The following RBMS3 variants were observed in gnomAD, a reference collection of about 807,000 sequenced individuals.
RBMS3 encodes RNA-binding motif, single-stranded-interacting protein 3.
A neutral mutation model predicts 66.8 loss-of-function variants in RBMS3; 27 were observed. That is an observed-to-expected ratio of 0.40 (90% confidence interval 0.30 to 0.56). The LOEUF is 0.56. RBMS3 is among the 20% of genes least tolerant of loss of function. The pLI is 0.40. For synonymous variants in RBMS3, 188 were observed against 183.0 expected (o/e 1.03, Z -0.22); for missense variants, 513 against 549.5 (o/e 0.93, Z 0.66).
intron 3 of RBMS3, among the ~76,000 whole-genome samples, chr3:29,528,603 A>C (rs532446076): frequency 6.6e-6 from 1 of 152,188 alleles, no homozygotes; most frequent in Non-Finnish European, 1.5e-5. Flanking sequence ...TATACTTGTA[A>C]TTTCTACAGC....
At chr3:29,778,532 G>T (rs1038650670) in intron 6 of RBMS3, among the ~76,000 whole-genome samples, 27 of 151,710 alleles carry the variant, frequency 1.8e-4, no homozygotes, top group Admixed American at 6.6e-5. Flanking sequence ...CACCCTTAGG[G>T]AAAAAGAAAC....
rs148855888 is a variant in RBMS3 at position 29,830,242 on chromosome 3, T to G, written c.638-38616T>G. ...GAATGTTTTCCTACATTAAAAATTT[T>G]AATTTTAAAGCAATTTGACTAAACA... On this transcript the variant is annotated intron_variant, in intron 6 of 14. Coordinates refer to ENST00000383767, the MANE Select transcript of RBMS3 (RefSeq NM_001003793.3). Among the ~76,000 whole-genome samples, 12 of 152,276 alleles carry G rather than the reference T, an allele frequency of 7.9e-5. No individual in the cohort carries two copies. In the East Asian group the frequency reaches 2.1e-3, roughly 27 times the overall value.
chr3:29,784,308 T>G (rs1229658371), intron 6 of RBMS3, among the ~76,000 whole-genome samples: 3 of 152,082 alleles, frequency 2.0e-5, no homozygotes, highest in Non-Finnish European at 4.4e-5. Flanking sequence ...TCAATACATT[T>G]AAGAAAATTG....
chr3:29,761,545 C>T (rs185303815), intron 5 of RBMS3, among the ~76,000 whole-genome samples: 11 of 152,250 alleles, frequency 7.2e-5, no homozygotes, highest in South Asian at 2.1e-4. Flanking sequence ...TCCTAGATTC[C>T]GTGCCTCTTC....
At chr3:29,610,213 T>C (rs1441808342) in intron 4 of RBMS3, among the ~76,000 whole-genome samples, 1 of 152,004 alleles carries the variant, frequency 6.6e-6, no homozygotes, top group Non-Finnish European at 1.5e-5. Flanking sequence ...TGAATACAGG[T>C]ACACTCTAGA....
intron 1 of RBMS3, among the ~76,000 whole-genome samples, chr3:29,291,429 G>C (rs2032802600): frequency 6.6e-6 from 1 of 151,852 alleles, no homozygotes; most frequent in South Asian, 2.1e-4. Flanking sequence ...CAGACACATT[G>C]GATTGACCTT....
chr3:29,406,605 C>A (rs1003222510), intron 1 of RBMS3, among the ~76,000 whole-genome samples: 3 of 152,140 alleles, frequency 2.0e-5, no homozygotes, highest in African/African-American at 7.2e-5. Flanking sequence ...AATATTTGAG[C>A]AAATATTTAT....
intron 1 of RBMS3, among the ~76,000 whole-genome samples, chr3:29,301,517 C>T (rs2125446516): frequency 6.6e-6 from 1 of 152,174 alleles, no homozygotes; most frequent in African/African-American, 2.4e-5. Flanking sequence ...CAGTTGGCCC[C>T]TGACATCCAC....
chr3:29,411,438 G>A (rs993806251), intron 1 of RBMS3, among the ~76,000 whole-genome samples: 1 of 152,138 alleles, frequency 6.6e-6, no homozygotes, highest in Non-Finnish European at 1.5e-5. Context: ...TGATGCTTTT[G>A]ATCATTTTGG....
intron 6 of RBMS3, among the ~76,000 whole-genome samples, chr3:29,793,213 G>A (rs934738452): frequency 6.7e-5 from 10 of 149,566 alleles, no homozygotes; most frequent in Non-Finnish European, 1.2e-4. Context: ...TCTGGGCAAT[G>A]GAGTGAGACT....
At chr3:29,448,334 C>T (rs2041903618) in intron 2 of RBMS3, among the ~76,000 whole-genome samples, 1 of 152,168 alleles carries the variant, frequency 6.6e-6, no homozygotes, top group Non-Finnish European at 1.5e-5. Flanking sequence ...TAATGAATGA[C>T]ACCTCTGAGG....
intron 6 of RBMS3, among the ~76,000 whole-genome samples, chr3:29,786,504 C>T (rs147286870): frequency 1.8e-4 from 28 of 152,200 alleles, no homozygotes; most frequent in African/African-American, 6.7e-4. Flanking sequence ...GGCGCATAGA[C>T]CAATGGAACA....
At chr3:29,301,443 AG>A (rs2033664022) in intron 1 of RBMS3, among the ~76,000 whole-genome samples, 1 of 152,040 alleles carries the variant, frequency 6.6e-6, no homozygotes, top group Non-Finnish European at 1.5e-5. Flanking sequence ...CTTGTTTAGC[AG>A]AAATTTAACC....
At chr3:29,473,494 C>A (rs908909223) in intron 2 of RBMS3, among the ~76,000 whole-genome samples, 1 of 152,220 alleles carries the variant, frequency 6.6e-6, no homozygotes, top group Non-Finnish European at 1.5e-5. Flanking sequence ...CAGTCCCGCG[C>A]CGTGCGCCTG....
At chr3:29,450,288 C>T (rs1463144263) in intron 2 of RBMS3, among the ~76,000 whole-genome samples, 1 of 152,118 alleles carries the variant, frequency 6.6e-6, no homozygotes, top group Non-Finnish European at 1.5e-5. Context: ...CTGAAAAGTC[C>T]CTTCCCAGGT....
chr3:29,379,011 C>G (rs994039061), intron 1 of RBMS3, among the ~76,000 whole-genome samples: 1 of 152,152 alleles, frequency 6.6e-6, no homozygotes, highest in African/African-American at 2.4e-5. Context: ...TCTGTCTTGT[C>G]TGCAGAGAGA....
chr3:29,490,165 T>G (rs1226561625), intron 3 of RBMS3, among the ~76,000 whole-genome samples: 1 of 144,918 alleles, frequency 6.9e-6, no homozygotes, highest in South Asian at 2.2e-4. Context: ...AAAATTAAAT[T>G]TAATTTAAAA....
chr3:29,337,099 A>G (rs1339907372), intron 1 of RBMS3, among the ~76,000 whole-genome samples: 11 of 152,138 alleles, frequency 7.2e-5, no homozygotes, highest in Admixed American at 2.6e-4. Flanking sequence ...TAACCCCCAC[A>G]GCTTATCCCT....
At chr3:29,438,120 T>C (rs1167531018) in intron 2 of RBMS3, among the ~76,000 whole-genome samples, 4 of 151,960 alleles carry the variant, frequency 2.6e-5, no homozygotes, top group African/African-American at 9.7e-5. Context: ...CTTCTAAAGA[T>C]TAAAATCACT....
Sources: allele counts gnomAD v4.1 joint callset (sites outside exome capture counted in the v4.1 genomes callset), GRCh38; gene constraint gnomAD v4.1.1; transcripts MANE v1.5; gene names NCBI Gene and HGNC (gene_info 2026-07-23, HGNC 2026-07-21).